SMURF1: variants seen among roughly 807,000 people sequenced by gnomAD.
The protein encoded by SMURF1 is SMAD specific E3 ubiquitin protein ligase 1.
Under a neutral mutation model 98.0 loss-of-function variants are expected in SMURF1, and 44 were observed. That is an observed-to-expected ratio of 0.45 (90% CI 0.35 to 0.58). SMURF1 has a LOEUF of 0.58. Among genes scored for constraint, SMURF1 ranks in the 20% least tolerant of loss-of-function variants. The pLI, the probability that SMURF1 is intolerant of heterozygous loss-of-function variation, is 0.00. For synonymous variants in SMURF1, 396 were observed against 374.9 expected (o/e 1.06, Z -0.65); for missense variants, 687 against 938.4 (o/e 0.73, Z 3.50).
intron 1 of SMURF1, among the ~76,000 whole-genome samples, chr7:99,067,780 T>C (rs1186405616): frequency 2.6e-5 from 4 of 152,080 alleles, no homozygotes; most frequent in Non-Finnish European, 4.4e-5. Flanking sequence ...GGTGAAATCC[T>C]GTCTCTACTA....
chr7:99,052,179 G>A, intron 7 of SMURF1, 26 bp downstream of exon 7: 12 of 1,496,508 alleles, frequency 8.0e-6, no homozygotes, highest in Non-Finnish European at 9.8e-6. Flanking sequence ...AGATGGCATT[G>A]GCCACAGCAG....
intron 1 of SMURF1, among the ~76,000 whole-genome samples, chr7:99,066,749 A>G (rs1257242744): frequency 6.6e-6 from 1 of 151,406 alleles, no homozygotes; most frequent in Non-Finnish European, 1.5e-5. Context: ...ACTGCACTCC[A>G]GCCTGGGTGA....
chr7:99,085,689 G>A (rs1796663870), intron 1 of SMURF1, among the ~76,000 whole-genome samples: 1 of 152,158 alleles, frequency 6.6e-6, no homozygotes, highest in South Asian at 2.1e-4. Flanking sequence ...AGAATGACAT[G>A]TAGCCACCCT....
chr7:99,032,992 T>C, intron 17 of SMURF1, 45 bp downstream of exon 17: 2 of 1,573,084 alleles, frequency 1.3e-6, no homozygotes, highest in East Asian at 2.2e-5. Context: ...GTCAGCATCC[T>C]CTGGGGCTCC....
intron 1 of SMURF1, among the ~76,000 whole-genome samples, chr7:99,076,185 G>A (rs908369395): frequency 6.6e-6 from 1 of 152,206 alleles, no homozygotes; most frequent in African/African-American, 2.4e-5. Context: ...GATTACAGGC[G>A]TGGGCCCCCA....
At chr7:99,100,162 AAT>A (rs1388166221) in intron 1 of SMURF1, among the ~76,000 whole-genome samples, 1 of 152,030 alleles carries the variant, frequency 6.6e-6, no homozygotes, top group East Asian at 1.9e-4. Flanking sequence ...CAGAATGCCA[AAT>A]ATATACTTTT....
intron 1 of SMURF1, among the ~76,000 whole-genome samples, chr7:99,083,511 G>A (rs1796613710): frequency 6.6e-6 from 1 of 152,188 alleles, no homozygotes; most frequent in African/African-American, 2.4e-5. Flanking sequence ...GAATGTTGAT[G>A]GAGTACATTT....
chr7:99,067,186 C>T (rs776997307), intron 1 of SMURF1, among the ~76,000 whole-genome samples: 4 of 151,476 alleles, frequency 2.6e-5, no homozygotes, highest in African/African-American at 4.9e-5. Flanking sequence ...TTAGTAGAGA[C>T]GGGGTTTCAC....
chr7:99,042,077 C>T (rs1795408091), intron 12 of SMURF1, 41 bp downstream of exon 12: 2 of 1,500,872 alleles, frequency 1.3e-6, no homozygotes. Context: ...CTCAAAACTT[C>T]TCCAACTCAA....
Position 99,052,257 on chromosome 7 carries a change from C to T in SMURF1, c.669G>A (p.Thr223=), listed in dbSNP as rs138039130. ...RNPDVRGSLQ[T]PQNRPHGHQS... ...GGTGGCCGTGTGGTCGGTTCTGGGG[C>T]GTCTGTAGTGAACCTCGCACATCAG... is the stretch of plus-strand genomic sequence containing the variant. Residue 223 remains threonine (T), a synonymous_variant, in exon 7 of 18, where the codon ACG becomes ACA. Transcript: ENST00000361368. The T allele has an allele frequency of 7.5e-5, 120 of 1,608,784 alleles. No homozygotes were observed. The African/African-American group carries it at 1.5e-3, about 20-fold the overall frequency.
chr7:99,076,269 G>C (rs1265766394), intron 1 of SMURF1, among the ~76,000 whole-genome samples: 1 of 152,012 alleles, frequency 6.6e-6, no homozygotes, highest in Non-Finnish European at 1.5e-5. Context: ...TGGAAAGAGA[G>C]GAAAAAAAAG....
rs1346712964 is a variant in SMURF1, at chr7:99,038,236, C to T, written c.1688+152G>A. ...ATCCCTGACGCTGCTGCTGAGCTGT[C>T]GGTTTCTGAAAGTCGCCTCTGTTCA... On this transcript the variant is annotated intron_variant, in intron 14 of 17. Coordinates refer to ENST00000361368, the MANE Select transcript of SMURF1 (RefSeq NM_181349.3). 6 of 916,510 alleles carry T rather than the reference C, an allele frequency of 6.5e-6. No homozygotes were observed. In the Admixed American group the frequency reaches 8.2e-5, roughly 13 times the overall value. 56.8% of individuals were successfully genotyped at this position (916,510 alleles called of 1,614,324 possible). A position where few individuals can be genotyped will look rare whatever the true frequency, so the allele number is the denominator to read the frequency against.
intron 1 of SMURF1, among the ~76,000 whole-genome samples, chr7:99,135,586 T>TTA (rs1358322028): frequency 6.6e-6 from 1 of 152,256 alleles, no homozygotes; most frequent in East Asian, 1.9e-4. Flanking sequence ...AAACACTATC[T>TTA]TATTATGTTA....
chr7:99,039,051 G>A (rs1795265465), intron 13 of SMURF1, among the ~76,000 whole-genome samples: 1 of 151,834 alleles, frequency 6.6e-6, no homozygotes, highest in African/African-American at 2.4e-5. Flanking sequence ...AAATTAGCCA[G>A]GTGTGGTGGC....
At chr7:99,081,551 C>CA (rs1024170707) in intron 1 of SMURF1, 1 of 152,210 alleles carries the variant, frequency 6.6e-6, no homozygotes, top group Non-Finnish European at 1.5e-5. Context: ...GGGGAACTGT[C>CA]AAAGTGTTTT....
chr7:99,035,940 G>A, intron 15 of SMURF1: 1 of 571,752 alleles, frequency 1.7e-6, no homozygotes, highest in South Asian at 2.0e-5. Flanking sequence ...AAGGACCGCG[G>A]TGCACAGCTG....
intron 1 of SMURF1, among the ~76,000 whole-genome samples, chr7:99,118,165 A>G (rs1797504743): frequency 6.6e-6 from 1 of 152,226 alleles, no homozygotes; most frequent in African/African-American, 2.4e-5. Flanking sequence ...AGTGTAAACT[A>G]GGATGTGGAG....
chr7:99,122,363 G>A (rs1338782073), intron 1 of SMURF1, among the ~76,000 whole-genome samples: 1 of 150,534 alleles, frequency 6.6e-6, no homozygotes, highest in Non-Finnish European at 1.5e-5. Context: ...AAAAAAAAAG[G>A]CCGGGCGCAG....
chr7:99,072,043 C>T (rs568094140), intron 1 of SMURF1, among the ~76,000 whole-genome samples: 1 of 151,930 alleles, frequency 6.6e-6, no homozygotes, highest in East Asian at 1.9e-4. Context: ...TGCACCACCG[C>T]ACTCCAGCCT....
Sources: allele counts gnomAD v4.1 joint callset (sites outside exome capture counted in the v4.1 genomes callset), GRCh38; gene constraint gnomAD v4.1.1; transcripts MANE v1.5; gene names NCBI Gene and HGNC (gene_info 2026-07-23, HGNC 2026-07-21).